The following COL25A1 variants were observed in gnomAD, a reference collection of about 807,000 sequenced individuals.
COL25A1 encodes collagen alpha-1(XXV) chain.
Under a neutral mutation model 128.4 loss-of-function variants are expected in COL25A1, and 103 were observed. That is an observed-to-expected ratio of 0.80 (90% CI 0.68 to 0.94). The LOEUF (loss-of-function observed/expected upper bound fraction) is 0.94, where lower values mean the gene tolerates loss of function less well. Among genes scored for constraint, COL25A1 ranks in the 40% least tolerant of loss-of-function variants. The pLI is 0.00. For synonymous variants in COL25A1, 279 were observed against 277.2 expected (o/e 1.01, Z -0.06); for missense variants, 745 against 840.0 (o/e 0.89, Z 1.40).
At chr4:109,196,883 G>A (rs1776088254) in intron 3 of COL25A1, among the ~76,000 whole-genome samples, 1 of 152,152 alleles carries the variant, frequency 6.6e-6, no homozygotes, top group South Asian at 2.1e-4. Context: ...CAATTATCAA[G>A]TAATGTTAAA....
intron 3 of COL25A1, among the ~76,000 whole-genome samples, chr4:109,085,929 T>C (rs1209648459): frequency 1.3e-5 from 2 of 152,234 alleles, no homozygotes; most frequent in Admixed American, 6.5e-5. Flanking sequence ...GAAGTTACTA[T>C]AAAGTTTACT....
chr4:108,848,191 G>A (rs1356780788), intron 27 of COL25A1, among the ~76,000 whole-genome samples: 3 of 152,184 alleles, frequency 2.0e-5, no homozygotes, highest in Admixed American at 2.0e-4. Context: ...TATGTGGCCT[G>A]TAAAGCCTAA....
intron 24 of COL25A1, among the ~76,000 whole-genome samples, 184 bp from the exon 25 acceptor site, chr4:108,853,109 T>A (rs538538884): frequency 1.3e-5 from 2 of 152,302 alleles, no homozygotes; most frequent in South Asian, 2.1e-4. Flanking sequence ...AGAGATTTTT[T>A]AAAAATTATT....
At chr4:108,951,365 T>C (rs1219973903) in intron 8 of COL25A1, among the ~76,000 whole-genome samples, 6 of 152,068 alleles carry the variant, frequency 3.9e-5, no homozygotes, top group Admixed American at 3.3e-4. Flanking sequence ...ATAAACATTT[T>C]TTCATTTTTA....
chr4:108,884,122 G>A (rs1358271904), intron 19 of COL25A1, 56 bp downstream of exon 19: 2 of 1,541,218 alleles, frequency 1.3e-6, no homozygotes, highest in Non-Finnish European at 1.8e-6. Context: ...CCTCCAATTT[G>A]GGTGAATCTC....
At chr4:108,888,715 C>T (rs1375072323) in intron 18 of COL25A1, among the ~76,000 whole-genome samples, 1 of 152,040 alleles carries the variant, frequency 6.6e-6, no homozygotes, top group African/African-American at 2.4e-5. Flanking sequence ...ACAGTCATGG[C>T]ACAAGTAGAT....
At chr4:109,035,778 AC>A (rs1454276364) in intron 5 of COL25A1, among the ~76,000 whole-genome samples, 1 of 152,132 alleles carries the variant, frequency 6.6e-6, no homozygotes, top group Non-Finnish European at 1.5e-5. Context: ...TGATATTTGT[AC>A]AAGGTCAAGC....
At chr4:108,870,433 T>G (rs1738567769) in intron 19 of COL25A1, among the ~76,000 whole-genome samples, 1 of 146,964 alleles carries the variant, frequency 6.8e-6, no homozygotes, top group Admixed American at 6.8e-5. Flanking sequence ...CTGGTGCTCA[T>G]GAGACTGATC....
At chr4:109,258,030 A>G (rs998837192) in intron 3 of COL25A1, among the ~76,000 whole-genome samples, 1 of 152,176 alleles carries the variant, frequency 6.6e-6, no homozygotes, top group Non-Finnish European at 1.5e-5. Context: ...ATAAATCATC[A>G]TTGATGCCTT....
intron 35 of COL25A1, among the ~76,000 whole-genome samples, chr4:108,821,310 T>C (rs1731749953): frequency 6.6e-6 from 1 of 152,112 alleles, no homozygotes; most frequent in African/African-American, 2.4e-5. Context: ...TCAAAGACAA[T>C]GATGACCCCA....
intron 3 of COL25A1, among the ~76,000 whole-genome samples, chr4:109,125,498 A>C (rs958123421): frequency 6.6e-6 from 1 of 152,154 alleles, no homozygotes; most frequent in Non-Finnish European, 1.5e-5. Flanking sequence ...AGACTAAAAC[A>C]GGCAACTTTA....
intron 17 of COL25A1, among the ~76,000 whole-genome samples, 192 bp downstream of exon 17, chr4:108,889,509 C>T (rs1404147437): frequency 6.7e-6 from 1 of 149,032 alleles, no homozygotes; most frequent in Non-Finnish European, 1.5e-5. Context: ...GAAGAGAATG[C>T]AAGACTTCTT....
rs753994624 is a variant in COL25A1, at chr4:109,211,290, CTATATATATATATATATATA to C, written c.367+89273_367+89292del. On this transcript the variant is annotated intron_variant, in intron 3 of 37. Transcript: ENST00000399132. ...TATATGAAACTATATATATATGAAA[CTATATATATATATATATATA>C]TATATATATATATATATATGAAACA... Among the ~76,000 whole-genome samples, 631 of 102,524 alleles carry C rather than the reference CTATATATATATATATATATA, an allele frequency of 6.2e-3. 9 individuals carry two copies. The highest frequency in any genetic ancestry group is 0.015 in the African/African-American group (538 of 35,486). 67.3% of individuals were successfully genotyped at this position (102,524 alleles called of 152,430 possible).
At chr4:109,034,982 AT>A (rs1392888194) in intron 5 of COL25A1, among the ~76,000 whole-genome samples, 1 of 152,198 alleles carries the variant, frequency 6.6e-6, no homozygotes, top group Admixed American at 6.5e-5. Flanking sequence ...CATTTATCTA[AT>A]TTTGGTTATA....
intron 31 of COL25A1, among the ~76,000 whole-genome samples, chr4:108,840,104 T>C (rs1188097899): frequency 6.6e-6 from 1 of 151,734 alleles, no homozygotes; most frequent in Non-Finnish European, 1.5e-5. Context: ...TAGCCGGGCA[T>C]GGTGGTGGGT....
chr4:109,076,431 G>A (rs1033712644), intron 3 of COL25A1, among the ~76,000 whole-genome samples: 2 of 152,076 alleles, frequency 1.3e-5, no homozygotes, highest in African/African-American at 4.8e-5. Context: ...TGCTTTTTAT[G>A]TGCTAACCCT....
chr4:109,001,372 C>CAGGCATCTGATATCCTGTCAGGT (rs1755349165), intron 6 of COL25A1, among the ~76,000 whole-genome samples: 3 of 24,148 alleles, frequency 1.2e-4, no homozygotes, highest in Non-Finnish European at 2.6e-4. Context: ...TTAAAAGAAA[C>CAGGCATCTGATATCCTGTCAGGT]AGGCATCTGA....
chr4:109,109,338 T>C (rs1766772494), intron 3 of COL25A1, among the ~76,000 whole-genome samples: 1 of 152,188 alleles, frequency 6.6e-6, no homozygotes, highest in East Asian at 1.9e-4. Context: ...CAAATAAGTT[T>C]CCAAAGCCCA....
intron 3 of COL25A1, among the ~76,000 whole-genome samples, chr4:109,059,615 T>C (rs1247707865): frequency 2.0e-5 from 3 of 152,232 alleles, no homozygotes; most frequent in Non-Finnish European, 4.4e-5. Context: ...AAAAAGACAC[T>C]GTTCTCTCTT....
Sources: gnomAD v4.1 joint callset for allele counts (sites outside exome capture counted in the v4.1 genomes callset) on GRCh38, gnomAD v4.1.1 for gene constraint, MANE v1.5 for transcripts, NCBI Gene and HGNC (gene_info 2026-07-23, HGNC 2026-07-21) for gene names.